Variants in EVI5 observed in about 807,000 individuals in gnomAD.
EVI5 encodes ecotropic viral integration site 5 protein homolog.
A neutral mutation model predicts 112.0 loss-of-function variants in EVI5; 73 were observed. The ratio of observed to expected loss-of-function variants is 0.65; its 90% CI spans 0.54 to 0.79. The LOEUF (loss-of-function observed/expected upper bound fraction) is 0.79, where lower values mean the gene tolerates loss of function less well. Among genes scored for constraint, EVI5 ranks in the 30% least tolerant of loss-of-function variants. The pLI, the probability that EVI5 is intolerant of heterozygous loss-of-function variation, is 0.00. For synonymous variants in EVI5, 305 were observed against 319.9 expected, an observed-to-expected ratio of 0.95 and a Z score of 0.50; for missense variants, 900 against 968.8, an observed-to-expected ratio of 0.93 and a Z score of 0.94.
upstream of EVI5, among the ~76,000 whole-genome samples, chr1:92,787,592 T>G (rs993534610): frequency 1.3e-5 from 2 of 151,928 alleles, no homozygotes; most frequent in African/African-American, 4.8e-5. Flanking sequence ...AAAAAAAAAT[T>G]TAGACAGGTG....
chr1:92,693,182 T>C (rs1349779138), intron 9 of EVI5, among the ~76,000 whole-genome samples: 1 of 152,076 alleles, frequency 6.6e-6, no homozygotes, highest in African/African-American at 2.4e-5. Flanking sequence ...TGACACTCTG[T>C]CTCTACAAAA....
At chr1:92,596,537 A>T (rs1435455268) in intron 18 of EVI5, among the ~76,000 whole-genome samples, 1 of 152,226 alleles carries the variant, frequency 6.6e-6, no homozygotes, top group Non-Finnish European at 1.5e-5. Context: ...GAATAATTAA[A>T]GTTGTTAAGT....
At chr1:92,630,082 A>C (rs1024314801) in intron 14 of EVI5, among the ~76,000 whole-genome samples, 1 of 151,948 alleles carries the variant, frequency 6.6e-6, no homozygotes, top group Middle Eastern at 3.2e-3. Context: ...GGACATTTGG[A>C]TTGGTTCCAA....
chr1:92,598,438 G>A (rs1426984274), intron 18 of EVI5, among the ~76,000 whole-genome samples: 2 of 152,110 alleles, frequency 1.3e-5, no homozygotes, highest in South Asian at 2.1e-4. Flanking sequence ...TAATTGTTAT[G>A]AAGAAAAAAT....
At position 92,568,390 on chromosome 1, in the gene EVI5, G is replaced by A. The variant is rs766504837; in HGVS notation, c.2071-4653C>T. ...ACCTATCTTAAAAAAAAAAAAAAAGGAAAAAAGAAAAAGAAAAAAATACAG... is the reference window on the plus strand; with the variant it reads ...ACCTATCTTAAAAAAAAAAAAAAAGAAAAAAAGAAAAAGAAAAAAATACAG... On this transcript the variant is annotated intron_variant, in intron 18 of 19. Coordinates refer to ENST00000684568, the MANE Select transcript of EVI5 (RefSeq NM_001350197.2). 4.3e-3 allele frequency among the ~76,000 whole-genome samples: 634 copies of A among 147,536 alleles called. 4 individuals are homozygous for A. Among genetic ancestry groups the A allele is most frequent in the Non-Finnish European group, 7.5e-3 (502 of 66,836 alleles).
chr1:92,568,074 G>A (rs527827101), intron 18 of EVI5, among the ~76,000 whole-genome samples: 1 of 152,144 alleles, frequency 6.6e-6, no homozygotes, highest in Admixed American at 6.6e-5. Flanking sequence ...ATTTAAACCA[G>A]TTTAAAAATA....
chr1:92,665,418 A>T (rs956601871), intron 11 of EVI5, among the ~76,000 whole-genome samples: 4 of 152,234 alleles, frequency 2.6e-5, no homozygotes, highest in Admixed American at 6.5e-5. Context: ...AAACAGAGAA[A>T]ATGTAACAAG....
chr1:92,589,741 C>T (rs556716008), intron 18 of EVI5, among the ~76,000 whole-genome samples: 54 of 152,286 alleles, frequency 3.5e-4, no homozygotes, highest in African/African-American at 1.3e-3. Flanking sequence ...CTTAAATGTC[C>T]CTGTCTGACA....
intron 13 of EVI5, among the ~76,000 whole-genome samples, chr1:92,658,177 CA>C (rs773769594): frequency 6.6e-6 from 1 of 152,174 alleles, no homozygotes; most frequent in Non-Finnish European, 1.5e-5. Flanking sequence ...AGATCTGGAA[CA>C]AGACAAGGAT....
chr1:92,682,626 A>G (rs1305739932), intron 9 of EVI5, among the ~76,000 whole-genome samples: 2 of 152,138 alleles, frequency 1.3e-5, no homozygotes, highest in Non-Finnish European at 2.9e-5. Flanking sequence ...TTAGCTGGAC[A>G]TGGTGGCATG....
intron 4 of EVI5, among the ~76,000 whole-genome samples, 193 bp from the exon 5 acceptor site, chr1:92,702,408 A>T (rs1671313727): frequency 6.6e-6 from 1 of 151,554 alleles, no homozygotes; most frequent in Admixed American, 6.6e-5. Context: ...TTATTTTGAC[A>T]ATTTCCCAAT....
At chr1:92,590,924 A>C (rs536710149) in intron 18 of EVI5, among the ~76,000 whole-genome samples, 1 of 152,212 alleles carries the variant, frequency 6.6e-6, no homozygotes. Flanking sequence ...CTCAGCAGAA[A>C]CTCTACAAGT....
intron 14 of EVI5, among the ~76,000 whole-genome samples, chr1:92,630,142 C>T (rs1214261830): frequency 6.6e-6 from 1 of 152,038 alleles, no homozygotes; most frequent in African/African-American, 2.4e-5. Flanking sequence ...GTGCATGTGT[C>T]CTTATAGCAG....
At chr1:92,671,489 G>A (rs564785771) in intron 10 of EVI5, among the ~76,000 whole-genome samples, 3 of 152,078 alleles carry the variant, frequency 2.0e-5, no homozygotes, top group Admixed American at 6.5e-5. Context: ...CTATGACCCC[G>A]CCAATAACTA....
intron 16 of EVI5, among the ~76,000 whole-genome samples, chr1:92,611,533 C>T (rs1340110113): frequency 7.0e-6 from 1 of 143,860 alleles, no homozygotes; most frequent in East Asian, 2.0e-4. Context: ...CCTGTCTCTA[C>T]TAAAAAAAAA....
rs377436802 is a variant in EVI5 at position 92,771,474 on chromosome 1, G to C, written c.-82+13362C>G. Among the ~76,000 whole-genome samples, 6 of 152,074 alleles carry C rather than the reference G, an allele frequency of 3.9e-5. No individual in the cohort carries two copies. The East Asian group carries it at 9.6e-4, about 24-fold the overall frequency. On this transcript the variant is annotated intron_variant, in intron 1 of 19. Transcript: ENST00000684568. ...CAGCAGCCTATAACAGATACATAGG[G>C]GTCACCTGATCCCTACCTTATCCTC...
chr1:92,745,470 A>G (rs1570728877), intron 1 of EVI5, among the ~76,000 whole-genome samples: 1 of 152,192 alleles, frequency 6.6e-6, no homozygotes, highest in African/African-American at 2.4e-5. Context: ...TTATGCTTAC[A>G]CTGTTATATT....
intron 6 of EVI5, among the ~76,000 whole-genome samples, chr1:92,696,060 A>G (rs1670274059): frequency 6.6e-6 from 1 of 151,848 alleles, no homozygotes; most frequent in Admixed American, 6.6e-5. Context: ...CCTCCCAGGC[A>G]GCTGGTACTA....
chr1:92,514,097 T>TA (rs2101631374), intron 19 of EVI5, 127 bp from the exon 20 acceptor site: 1 of 552,558 alleles, frequency 1.8e-6, no homozygotes, highest in East Asian at 3.1e-5. Flanking sequence ...TAATCATAGT[T>TA]ACTAATTTTT....
Sources: gnomAD v4.1 joint callset for allele counts (sites outside exome capture counted in the v4.1 genomes callset) on GRCh38, gnomAD v4.1.1 for gene constraint, MANE v1.5 for transcripts, NCBI Gene and HGNC (gene_info 2026-07-23, HGNC 2026-07-21) for gene names.